PCDHGB5: variants seen among roughly 807,000 people sequenced by gnomAD.
PCDHGB5 encodes the protein protocadherin gamma-B5.
A neutral mutation model predicts 62.9 loss-of-function variants in PCDHGB5; 48 were observed. The ratio of observed to expected loss-of-function variants is 0.76; its 90% CI spans 0.61 to 0.97. The LOEUF (loss-of-function observed/expected upper bound fraction) is 0.97. Among genes scored for constraint, PCDHGB5 ranks in the 50% least tolerant of loss-of-function variants. The pLI is 0.00. For synonymous variants in PCDHGB5, 474 were observed against 511.2 expected, an observed-to-expected ratio of 0.93 and a Z score of 0.98; for missense variants, 1,118 against 1,198.6, an observed-to-expected ratio of 0.93 and a Z score of 0.99.
chr5:141,491,709 C>T lies in PCDHGB5; in HGVS notation c.2398-3098C>T, dbSNP rs2099725685. On this transcript the variant is annotated intron_variant, in intron 1 of 3. Coordinates refer to ENST00000617380, the MANE Select transcript of PCDHGB5 (RefSeq NM_018925.3). The surrounding 1 kb of genome is among the most constrained non-coding windows in gnomAD (Gnocchi z 6.9). The stretch of plus-strand genomic sequence containing the variant: ...TGCGGGAGCGGAGCCAGGTGAGGGG[C>T]TCGGCGCCGCCCCGGGCGACCCCTG... 6.2e-7 allele frequency: 1 copy of T among 1,610,156 alleles called. No homozygotes were observed. Among genetic ancestry groups the T allele is most frequent in the Non-Finnish European group, 8.5e-7 (1 of 1,178,376 alleles).
chr5:141,447,164 G>T (rs2098528799), intron 1 of PCDHGB5, among the ~76,000 whole-genome samples: 1 of 151,766 alleles, frequency 6.6e-6, no homozygotes, highest in South Asian at 2.1e-4. Context: ...GTTTAAGCGG[G>T]GTCTTGCTCT....
intron 1 of PCDHGB5, chr5:141,422,984 G>A (rs752694873): frequency 4.5e-5 from 73 of 1,614,112 alleles, no homozygotes; most frequent in Non-Finnish European, 5.9e-5. Flanking sequence ...GCGGAACCTG[G>A]CTACCTGGTG....
intron 1 of PCDHGB5, among the ~76,000 whole-genome samples, chr5:141,425,410 A>G (rs1283299220): frequency 2.0e-5 from 3 of 152,240 alleles, no homozygotes; most frequent in African/African-American, 7.2e-5. Flanking sequence ...TTAAGGTATA[A>G]CATATAGTCC....
chr5:141,505,053 T>C (rs904041070), intron 2 of PCDHGB5, among the ~76,000 whole-genome samples: 2 of 152,108 alleles, frequency 1.3e-5, no homozygotes, highest in African/African-American at 4.8e-5. Context: ...TCCCAGCTAC[T>C]TGGGAGACTG....
At chr5:141,484,315 C>T (rs1172379949) in intron 1 of PCDHGB5, among the ~76,000 whole-genome samples, 2 of 152,326 alleles carry the variant, frequency 1.3e-5, no homozygotes, top group African/African-American at 4.8e-5. Context: ...ACCCCGCTTC[C>T]ATACTGTCCT....
Position 141,486,589 on chromosome 5 carries a change from C to T in PCDHGB5, c.2398-8218C>T. On this transcript the variant is annotated intron_variant, in intron 1 of 3. Transcript: ENST00000617380. The surrounding 1 kb of genome is among the most constrained non-coding windows in gnomAD (Gnocchi z 5.0). ...TTCCTGAGAACAATCGCCCAGGGGA[C>T]CTGCTTTGCTCCCTTGCAGCCTCTG... 1 of 1,613,676 alleles carries T rather than the reference C, an allele frequency of 6.2e-7. No individual in the cohort carries two copies. Among genetic ancestry groups the T allele is most frequent in the African/African-American group, 1.3e-5 (1 of 75,064 alleles).
At position 141,397,952 on chromosome 5, in the gene PCDHGB5, C is replaced by A; in HGVS notation, c.-176C>A. 1 of 959,530 alleles carries A rather than the reference C, an allele frequency of 1.0e-6. No individual in the cohort carries two copies. Among genetic ancestry groups the A allele is most frequent in the Non-Finnish European group, 1.5e-6 (1 of 656,654 alleles). The allele number at this position is 959,530 out of a possible 1,614,324, so 59.4% of individuals were successfully genotyped here. A position where few individuals can be genotyped will look rare whatever the true frequency, so the allele number is the denominator to read the frequency against. ...GCCGCAGCGCGCTTTCCAGGGCAGC[C>A]CCAGCTCAGACTCCCCAGCGCCGGC... On this transcript the variant is annotated 5_prime_UTR_variant, in exon 1 of 4. Coordinates refer to ENST00000617380, the MANE Select transcript of PCDHGB5 (RefSeq NM_018925.3).
Position 141,490,748 on chromosome 5 carries a change from C to A in PCDHGB5, c.2398-4059C>A. 3.1e-6 allele frequency: 5 copies of A among 1,614,168 alleles called. No individual in the cohort carries two copies. Among genetic ancestry groups the A allele is most frequent in the Non-Finnish European group, 3.4e-6 (4 of 1,180,006 alleles). ...GGAAATCAGGTTCAGGGAGCCCCAGCCTCCTCCTTTGTGTATGTCAACCCA... is the reference window on the plus strand; with the variant it reads ...GGAAATCAGGTTCAGGGAGCCCCAGACTCCTCCTTTGTGTATGTCAACCCA... On this transcript the variant is annotated intron_variant, in intron 1 of 3. Transcript: ENST00000617380. This position sits in a 1 kb window ranked among gnomAD's most constrained non-coding sequence, Gnocchi z 5.4.
intron 1 of PCDHGB5, chr5:141,419,581 C>T: frequency 6.2e-7 from 1 of 1,611,888 alleles, no homozygotes; most frequent in South Asian, 1.1e-5. Context: ...GCTCCGCGCT[C>T]TTCGACACAG....
At chr5:141,421,880 G>C in intron 1 of PCDHGB5, 1 of 1,613,718 alleles carries the variant, frequency 6.2e-7, no homozygotes, top group Admixed American at 1.7e-5. Flanking sequence ...GCTTTAGATG[G>C]AGGCGATCCC....
chr5:141,440,330 G>A (rs1377511406), intron 1 of PCDHGB5: 1 of 152,162 alleles, frequency 6.6e-6, no homozygotes, highest in Non-Finnish European at 1.5e-5. Context: ...ACTGGGCATG[G>A]TGGTGCAGGC....
At position 141,487,219 on chromosome 5, in the gene PCDHGB5, A is replaced by G. The variant is rs750819958; in HGVS notation, c.2398-7588A>G. ...CAGATCTTCGAGAATCTTCAGCTCC[A>G]AGGGAAGGAGAATCTCGTCTAACCC... On this transcript the variant is annotated intron_variant, in intron 1 of 3. Transcript: ENST00000617380. This position sits in a 1 kb window ranked among gnomAD's most constrained non-coding sequence, Gnocchi z 5.0. The G allele has an allele frequency of 1.2e-6, 2 of 1,613,952 alleles. No individual in the cohort carries two copies. The highest frequency in any genetic ancestry group is 3.3e-5 in the Admixed American group (2 of 60,020).
chr5:141,434,254 T>C (rs1440934691), intron 1 of PCDHGB5, among the ~76,000 whole-genome samples: 3 of 152,176 alleles, frequency 2.0e-5, no homozygotes, highest in Admixed American at 6.5e-5. Context: ...TTGGGCATTG[T>C]GGGGGAGGTG....
chr5:141,438,629 T>C (rs1162332421), intron 1 of PCDHGB5, among the ~76,000 whole-genome samples: 9 of 48,096 alleles, frequency 1.9e-4, no homozygotes, highest in Admixed American at 6.4e-4. Context: ...TATATATATA[T>C]ATATATACAC....
chr5:141,493,250 C>T lies in PCDHGB5; in HGVS notation c.2398-1557C>T, dbSNP rs1330348553. On this transcript the variant is annotated intron_variant, in intron 1 of 3. Coordinates refer to ENST00000617380, the MANE Select transcript of PCDHGB5 (RefSeq NM_018925.3). The surrounding 1 kb of genome is among the most constrained non-coding windows in gnomAD (Gnocchi z 4.3). ...TGCTGTTGGCTAGGTACTAACATGC[C>T]TCTCTTATAACAGCTTCACAGAGGT... Among the ~76,000 whole-genome samples the T allele has an allele frequency of 1.3e-5, 2 of 152,154 alleles. No homozygotes were observed. Among genetic ancestry groups the T allele is most frequent in the Non-Finnish European group, 2.9e-5 (2 of 68,024 alleles).
In PCDHGB5 at chr5:141,431,930, C is replaced by A. The variant is rs761060241; in HGVS notation, c.2397+31406C>A. 236 of 1,613,932 alleles carry A rather than the reference C, an allele frequency of 1.5e-4. 1 individual carries two copies. The highest frequency in any genetic ancestry group is 1.4e-3 in the South Asian group (124 of 91,086). The stretch of plus-strand genomic sequence containing the variant: ...GATCTGTTTCATCCAAGGAAATCTG[C>A]CCTTTAAATTAGAAAAATCTTACGG... On this transcript the variant is annotated intron_variant, in intron 1 of 3. Transcript: ENST00000617380. This position sits in a 1 kb window ranked among gnomAD's most constrained non-coding sequence, Gnocchi z 4.8.
chr5:141,410,063 C>A lies in PCDHGB5; in HGVS notation c.2397+9539C>A. 1.9e-6 allele frequency: 3 copies of A among 1,612,972 alleles called. No homozygotes were observed. The South Asian group carries it at 3.3e-5, about 18-fold the overall frequency. On this transcript the variant is annotated intron_variant, in intron 1 of 3. Coordinates refer to ENST00000617380, the MANE Select transcript of PCDHGB5 (RefSeq NM_018925.3). ...TGAGCCCGGACTCTTCAGCCTGGGG[C>A]TGCGCACTGGGGAGGTGCGCACGGC...
intron 1 of PCDHGB5, chr5:141,430,946 G>C: frequency 6.2e-7 from 1 of 1,609,494 alleles, no homozygotes. Context: ...CGCGGAGCGC[G>C]GAGTCCGCAT....
chr5:141,496,589 G>A (rs914585858), intron 2 of PCDHGB5, among the ~76,000 whole-genome samples: 7 of 152,124 alleles, frequency 4.6e-5, no homozygotes, highest in Admixed American at 6.5e-5. Flanking sequence ...AACGCAAAGC[G>A]CTTCTTAGAA....
Sources: allele counts gnomAD v4.1 joint callset (sites outside exome capture counted in the v4.1 genomes callset), GRCh38; gene constraint gnomAD v4.1.1; non-coding constraint Gnocchi (gnomAD v3.1); transcripts MANE v1.5; gene names NCBI Gene and HGNC (gene_info 2026-07-23, HGNC 2026-07-21).